SLC8A1: variants seen among roughly 807,000 people sequenced by gnomAD.
SLC8A1 encodes the protein solute carrier family 8 member A1.
A neutral mutation model predicts 68.3 loss-of-function variants in SLC8A1; 18 were observed. The observed-to-expected ratio is 0.26, with a 90% CI of 0.18 to 0.39. The LOEUF is 0.39. Ranked by LOEUF, SLC8A1 falls within the 10% of genes least tolerant of loss-of-function variation. The pLI, the probability that SLC8A1 is intolerant of heterozygous loss-of-function variation, is 1.00. For missense variants in SLC8A1, 985 were observed against 1,156.7 expected (o/e 0.85, Z 2.15); for synonymous variants, 475 against 415.5 (o/e 1.14, Z -1.74).
intron 1 of SLC8A1, among the ~76,000 whole-genome samples, chr2:40,457,970 A>G (rs1703121015): frequency 6.6e-6 from 1 of 152,224 alleles, no homozygotes; most frequent in Admixed American, 6.5e-5. Flanking sequence ...ATTTAAAAAA[A>G]TACTGAAAGC....
intron 1 of SLC8A1, among the ~76,000 whole-genome samples, chr2:40,442,115 C>T (rs1228720235): frequency 6.7e-6 from 1 of 149,572 alleles, no homozygotes; most frequent in East Asian, 2.0e-4. Context: ...CGAGTTAATG[C>T]GTGCAGCACA....
intron 1 of SLC8A1, among the ~76,000 whole-genome samples, chr2:40,480,811 C>T (rs1246418204): frequency 3.3e-5 from 5 of 152,136 alleles, no homozygotes; most frequent in African/African-American, 4.8e-5. Context: ...ATGAAGACCA[C>T]GACGTTATAC....
chr2:40,226,187 G>A (rs1303999011), intron 2 of SLC8A1, among the ~76,000 whole-genome samples: 1 of 152,100 alleles, frequency 6.6e-6, no homozygotes, highest in Non-Finnish European at 1.5e-5. Flanking sequence ...CTGGGCAATG[G>A]GAAGGGCAAA....
intron 2 of SLC8A1, among the ~76,000 whole-genome samples, chr2:40,326,198 G>A (rs1233359790): frequency 2.0e-5 from 3 of 152,258 alleles, no homozygotes; most frequent in South Asian, 2.1e-4. Flanking sequence ...AGGGACCGCA[G>A]CGTGGAAAAG....
chr2:40,134,380 C>T (rs2005886), intron 7 of SLC8A1, among the ~76,000 whole-genome samples: 85,586 of 151,880 alleles, frequency 0.56, 24,432 homozygotes, highest in East Asian at 0.8. Context: ...GTGTGAGCTA[C>T]CGCACCTGGT....
Position 40,436,132 on chromosome 2 carries a change from T to G in SLC8A1, c.-24-5828A>C, listed in dbSNP as rs62149406. On this transcript the variant is annotated intron_variant, in intron 1 of 7. Transcript: ENST00000406785. ...AATGGTTCTATTTATTGTCTTTCTCTCTTCAAAAGATGCAACTCTCTAAGG... is the reference window on the plus strand; with the variant it reads ...AATGGTTCTATTTATTGTCTTTCTCGCTTCAAAAGATGCAACTCTCTAAGG... 7.4e-3 allele frequency among the ~76,000 whole-genome samples: 1,127 copies of G among 152,156 alleles called. 5 individuals carry two copies. The highest frequency in any genetic ancestry group is 0.012 in the Admixed American group (184 of 15,280).
intron 2 of SLC8A1, among the ~76,000 whole-genome samples, chr2:40,405,471 G>A (rs1375090953): frequency 6.6e-6 from 1 of 152,192 alleles, no homozygotes; most frequent in Admixed American, 6.5e-5. Flanking sequence ...GATGTGTCAT[G>A]ATCTAACAGT....
chr2:40,329,549 A>G (rs1427871259), intron 2 of SLC8A1, among the ~76,000 whole-genome samples: 1 of 152,226 alleles, frequency 6.6e-6, no homozygotes, highest in Non-Finnish European at 1.5e-5. Flanking sequence ...GAAGAATAAG[A>G]GATGGAAAGA....
chr2:40,295,722 G>A (rs747103937), intron 2 of SLC8A1, among the ~76,000 whole-genome samples: 3 of 152,170 alleles, frequency 2.0e-5, no homozygotes, highest in Non-Finnish European at 4.4e-5. Context: ...TAGTGATAAT[G>A]TGATTGAAAG....
intron 2 of SLC8A1, among the ~76,000 whole-genome samples, chr2:40,375,036 G>C (rs1304001695): frequency 1.3e-5 from 2 of 152,038 alleles, no homozygotes; most frequent in Non-Finnish European, 2.9e-5. Context: ...CTGGCTGCTT[G>C]ATAATGAATT....
At chr2:40,389,408 C>T in intron 2 of SLC8A1, among the ~76,000 whole-genome samples, 1 of 152,020 alleles carries the variant, frequency 6.6e-6, no homozygotes, top group East Asian at 1.9e-4. Flanking sequence ...ACAATCTAAT[C>T]TAAGCTTCCA....
chr2:40,193,349 C>T (rs1443787289), intron 2 of SLC8A1, among the ~76,000 whole-genome samples: 4 of 152,096 alleles, frequency 2.6e-5, no homozygotes, highest in African/African-American at 7.2e-5. Context: ...GACTGGCCCA[C>T]ATTAGGCATT....
rs555587233 is a variant in SLC8A1 at position 40,467,291 on chromosome 2, T to C, written c.-24-36987A>G. 2.6e-5 allele frequency among the ~76,000 whole-genome samples: 4 copies of C among 152,122 alleles called. No individual in the cohort carries two copies. In the South Asian group the frequency reaches 8.3e-4, roughly 32 times the overall value. ...CTGTCCTTTTGCATACAGCTGAGAG[T>C]GTGTTGGAGCACTGATGTATATGAA... On this transcript the variant is annotated intron_variant, in intron 1 of 7. Coordinates refer to the SLC8A1 transcript ENST00000402441.
chr2:40,263,112 A>G (rs544860599), intron 2 of SLC8A1, among the ~76,000 whole-genome samples: 1 of 152,340 alleles, frequency 6.6e-6, no homozygotes, highest in African/African-American at 2.4e-5. Context: ...GCAGAGTGAA[A>G]AGCATGGGCT....
At chr2:40,351,138 C>T (rs1670949034) in intron 2 of SLC8A1, among the ~76,000 whole-genome samples, 1 of 152,142 alleles carries the variant, frequency 6.6e-6, no homozygotes, top group Non-Finnish European at 1.5e-5. Context: ...TACTTTGTAT[C>T]ATATTTTATA....
intron 2 of SLC8A1, among the ~76,000 whole-genome samples, chr2:40,322,491 T>C (rs543866016): frequency 2.2e-4 from 26 of 118,366 alleles, no homozygotes; most frequent in Non-Finnish European, 4.0e-4. Context: ...ACCTCATCTC[T>C]ACAAAAGGTT....
chr2:40,242,772 T>C (rs1361120926), intron 2 of SLC8A1, among the ~76,000 whole-genome samples: 1 of 152,176 alleles, frequency 6.6e-6, no homozygotes. Context: ...AATACAACCA[T>C]GCCTTGTGTT....
At chr2:40,292,094 A>C (rs974683983) in intron 2 of SLC8A1, among the ~76,000 whole-genome samples, 1 of 152,158 alleles carries the variant, frequency 6.6e-6, no homozygotes. Context: ...CCACATAAAG[A>C]GTATTACAAG....
At chr2:40,483,765 G>C (rs1704787726) in intron 1 of SLC8A1, among the ~76,000 whole-genome samples, 2 of 152,146 alleles carry the variant, frequency 1.3e-5, no homozygotes, top group Non-Finnish European at 2.9e-5. Context: ...TTTTCTGCTG[G>C]ATGGAATTCA....
Sources: gnomAD v4.1 joint callset for allele counts (sites outside exome capture counted in the v4.1 genomes callset) on GRCh38, gnomAD v4.1.1 for gene constraint, MANE v1.5 for transcripts, NCBI Gene and HGNC (gene_info 2026-07-23, HGNC 2026-07-21) for gene names.